HTR7: variants seen among roughly 807,000 people sequenced by gnomAD.
HTR7 encodes the protein 5-hydroxytryptamine receptor 7.
A neutral mutation model predicts 34.0 loss-of-function variants in HTR7; 16 were observed. That is an observed-to-expected ratio of 0.47 (90% CI 0.32 to 0.71). The LOEUF is 0.71. Ranked by LOEUF, HTR7 falls within the 30% of genes least tolerant of loss-of-function variation. The probability of loss-of-function intolerance (pLI) is 0.04; values close to 1 mark genes in which losing one functional copy is unlikely to be tolerated. For missense variants in HTR7, 504 were observed against 625.5 expected (o/e 0.81, Z 2.07); for synonymous variants, 265 against 260.2 (o/e 1.02, Z -0.18).
chr10:90,792,509 T>C (rs1433110018), intron 1 of HTR7, among the ~76,000 whole-genome samples: 1 of 152,118 alleles, frequency 6.6e-6, no homozygotes, highest in African/African-American at 2.4e-5. Context: ...ATATTTCAAC[T>C]GTACATTATA....
intron 1 of HTR7, among the ~76,000 whole-genome samples, chr10:90,774,327 A>G (rs1360571964): frequency 6.6e-6 from 1 of 152,190 alleles, no homozygotes; most frequent in African/African-American, 2.4e-5. Context: ...TTTTATATAA[A>G]TATATTGATC....
intron 1 of HTR7, among the ~76,000 whole-genome samples, chr10:90,793,445 T>C (rs922581289): frequency 1.5e-5 from 2 of 136,628 alleles, no homozygotes; most frequent in African/African-American, 6.1e-5. Flanking sequence ...TAGTAGTACA[T>C]CAATATTTCT....
intron 1 of HTR7, among the ~76,000 whole-genome samples, chr10:90,778,299 G>T (rs1845250738): frequency 6.6e-6 from 1 of 152,174 alleles, no homozygotes; most frequent in African/African-American, 2.4e-5. Flanking sequence ...TCCATTCATG[G>T]ATTAATGGAT....
chr10:90,764,094 A>G (rs572058155), intron 1 of HTR7, among the ~76,000 whole-genome samples: 1 of 152,270 alleles, frequency 6.6e-6, no homozygotes, highest in African/African-American at 2.4e-5. Flanking sequence ...AAGCATTCCT[A>G]TTTCTCCACA....
intron 1 of HTR7, among the ~76,000 whole-genome samples, chr10:90,766,067 T>C (rs897769266): frequency 5.3e-5 from 8 of 152,148 alleles, no homozygotes; most frequent in Non-Finnish European, 1.0e-4. Flanking sequence ...TATCTGGGGT[T>C]CCTTATTGAT....
At chr10:90,743,755 C>G in intron 2 of HTR7, 65 bp from the exon 3 acceptor site, 2 of 1,220,610 alleles carry the variant, frequency 1.6e-6, no homozygotes, top group South Asian at 2.5e-5. Context: ...AAAAAAGAAT[C>G]CTTGATTATA....
At chr10:90,754,120 T>A (rs7916848) in intron 1 of HTR7, among the ~76,000 whole-genome samples, 93,472 of 151,950 alleles carry the variant, frequency 0.62, 30,450 homozygotes, top group African/African-American at 0.85. Context: ...AGATTCCTAA[T>A]TTATATGATT....
chr10:90,766,584 CT>C (rs750780658), intron 1 of HTR7, among the ~76,000 whole-genome samples: 7 of 152,182 alleles, frequency 4.6e-5, no homozygotes, highest in Non-Finnish European at 1.0e-4. Context: ...TGTTTTCTGC[CT>C]GTTTTGTAGT....
intron 1 of HTR7, among the ~76,000 whole-genome samples, chr10:90,831,864 CAG>C (rs1846184732): frequency 6.6e-6 from 1 of 152,030 alleles, no homozygotes; most frequent in Non-Finnish European, 1.5e-5. Context: ...GAGTTAGATA[CAG>C]AGTGTCGATT....
In HTR7 at chr10:90,840,173, TCTCTCACACACACACACACA is replaced by T. The variant is rs1461732735; in HGVS notation, c.539+16940_539+16959del. 1.8e-4 allele frequency among the ~76,000 whole-genome samples: 23 copies of T among 125,698 alleles called. 1 individual carries two copies. In the East Asian group the frequency reaches 5.1e-3, roughly 28 times the overall value. 82.5% of individuals were successfully genotyped at this position (125,698 alleles called of 152,430 possible). ...GTCTCTCCATCTGTTTCTCTCTCTC[TCTCTCACACACACACACACA>T]CACACACACACACACACACACATCT... On this transcript the variant is annotated intron_variant, in intron 1 of 3. Coordinates refer to ENST00000336152, the MANE Select transcript of HTR7 (RefSeq NM_019859.4).
intron 1 of HTR7, among the ~76,000 whole-genome samples, chr10:90,782,353 A>G (rs1397172654): frequency 6.6e-6 from 1 of 152,250 alleles, no homozygotes; most frequent in Non-Finnish European, 1.5e-5. Context: ...AATAGTAATT[A>G]TGTAATAAGA....
At chr10:90,797,044 T>C in intron 1 of HTR7, among the ~76,000 whole-genome samples, 1 of 151,968 alleles carries the variant, frequency 6.6e-6, no homozygotes, top group East Asian at 1.9e-4. Flanking sequence ...ATTTTAATCT[T>C]CTCCTGATGA....
intron 1 of HTR7, among the ~76,000 whole-genome samples, chr10:90,787,374 G>A (rs1217460621): frequency 1.3e-5 from 2 of 152,058 alleles, no homozygotes; most frequent in Admixed American, 6.6e-5. Flanking sequence ...TGTACTCCCA[G>A]CTACTCGGGA....
intron 1 of HTR7, among the ~76,000 whole-genome samples, chr10:90,753,336 A>C (rs137957346): frequency 0.015 from 2,320 of 152,300 alleles, 24 homozygotes; most frequent in Non-Finnish European, 0.024. Flanking sequence ...GTTTCAGACC[A>C]GCCTGAGCAA....
At chr10:90,746,354 T>C (rs1844634778) in intron 2 of HTR7, among the ~76,000 whole-genome samples, 1 of 152,200 alleles carries the variant, frequency 6.6e-6, no homozygotes, top group Non-Finnish European at 1.5e-5. Context: ...ACTAAAATAA[T>C]CAATAAAATG....
intron 1 of HTR7, among the ~76,000 whole-genome samples, chr10:90,784,875 C>T (rs1342564469): frequency 1.3e-5 from 2 of 152,214 alleles, no homozygotes; most frequent in Non-Finnish European, 2.9e-5. Context: ...TTTCTTAACT[C>T]CTATTCACGT....
In HTR7 at chr10:90,823,454, A is replaced by G. The variant is rs146798707; in HGVS notation, c.539+33679T>C. Among the ~76,000 whole-genome samples, 436 of 152,312 alleles carry G rather than the reference A, an allele frequency of 2.9e-3. 2 individuals carry two copies. Among genetic ancestry groups the G allele is most frequent in the African/African-American group, 9.7e-3 (405 of 41,550 alleles). On this transcript the variant is annotated intron_variant, in intron 1 of 3. Coordinates refer to ENST00000336152, the MANE Select transcript of HTR7 (RefSeq NM_019859.4). ...TCTCCCGCTTGGAATGGGAGCATTT[A>G]CCCATTGTCTGTACTATCACAGTAT...
intron 3 of HTR7, among the ~76,000 whole-genome samples, chr10:90,743,191 A>G (rs1337453569): frequency 3.3e-5 from 5 of 151,968 alleles, no homozygotes; most frequent in Non-Finnish European, 1.5e-5. Context: ...CACCCCATCT[A>G]AAGCACCCCC....
At chr10:90,784,885 T>C (rs763036517) in intron 1 of HTR7, among the ~76,000 whole-genome samples, 4 of 152,194 alleles carry the variant, frequency 2.6e-5, no homozygotes, top group Non-Finnish European at 4.4e-5. Context: ...CCTATTCACG[T>C]TGTCAACCAC....
Sources: gnomAD v4.1 joint callset for allele counts (sites outside exome capture counted in the v4.1 genomes callset) on GRCh38, gnomAD v4.1.1 for gene constraint, MANE v1.5 for transcripts, NCBI Gene and HGNC (gene_info 2026-07-23, HGNC 2026-07-21) for gene names.